Variants in PCDHA2 observed in about 807,000 individuals in gnomAD.
PCDHA2 encodes protocadherin alpha-2.
PCDHA2 carries 58 observed loss-of-function variants against 66.0 expected under a neutral mutation model. That is an observed-to-expected ratio of 0.88 (90% CI 0.71 to 1.09). The LOEUF (loss-of-function observed/expected upper bound fraction) is 1.09, where lower values mean the gene tolerates loss of function less well. Ranked by LOEUF, PCDHA2 falls within the 50% of genes least tolerant of loss-of-function variation. The probability of loss-of-function intolerance (pLI) is 0.00; values close to 1 mark genes in which losing one functional copy is unlikely to be tolerated. For synonymous variants in PCDHA2, 634 were observed against 554.0 expected, an observed-to-expected ratio of 1.14 and a Z score of -2.03; for missense variants, 1,267 against 1,242.3, an observed-to-expected ratio of 1.02 and a Z score of -0.30.
intron 1 of PCDHA2, among the ~76,000 whole-genome samples, chr5:140,970,923 C>T (rs1009753173): frequency 1.3e-5 from 2 of 152,032 alleles, no homozygotes; most frequent in African/African-American, 4.8e-5. Flanking sequence ...ATCAGAAGTG[C>T]CTGGTGTTAG....
intron 1 of PCDHA2, among the ~76,000 whole-genome samples, chr5:140,899,610 A>G (rs2067438350): frequency 6.6e-6 from 1 of 152,164 alleles, no homozygotes; most frequent in Admixed American, 6.5e-5. Flanking sequence ...TTTTGCATCA[A>G]TGTTCATCAA....
chr5:140,802,640 C>G lies in PCDHA2; in HGVS notation c.2388+5288C>G. 6.2e-7 allele frequency: 1 copy of G among 1,613,752 alleles called. No individual in the cohort carries two copies. The highest frequency in any genetic ancestry group is 1.7e-5 in the Admixed American group (1 of 60,024). On this transcript the variant is annotated intron_variant, in intron 1 of 3. Transcript: ENST00000526136. ...ACATCTTCACGGTGTCTGCGCGGGA[C>G]GCGGACGCGCAGGAGAACGCCCTGG... is the stretch of plus-strand genomic sequence containing the variant.
intron 1 of PCDHA2, among the ~76,000 whole-genome samples, chr5:140,962,075 C>T (rs999623991): frequency 6.6e-6 from 1 of 151,836 alleles, no homozygotes; most frequent in South Asian, 2.1e-4. Context: ...TTAGTAGAGA[C>T]GGGGTTTCAC....
intron 3 of PCDHA2, among the ~76,000 whole-genome samples, chr5:141,002,107 C>T (rs991036721): frequency 6.6e-6 from 1 of 152,246 alleles, no homozygotes. Context: ...GGGCCGGAAA[C>T]GGCTATAATC....
At chr5:140,907,582 G>C (rs978225789) in intron 1 of PCDHA2, among the ~76,000 whole-genome samples, 8 of 152,190 alleles carry the variant, frequency 5.3e-5, no homozygotes, top group African/African-American at 1.9e-4. Context: ...CAGGTAGCTG[G>C]CTGATCACCC....
intron 1 of PCDHA2, among the ~76,000 whole-genome samples, chr5:140,832,719 AG>A (rs1433818410): frequency 2.0e-5 from 3 of 152,224 alleles, no homozygotes; most frequent in African/African-American, 7.2e-5. Flanking sequence ...AGATAAATAA[AG>A]GTAAGTATCC....
intron 1 of PCDHA2, chr5:140,881,430 T>G: frequency 1.1e-6 from 1 of 889,582 alleles, no homozygotes; most frequent in Non-Finnish European, 1.3e-6. Flanking sequence ...TCCAGGCATA[T>G]TTTATAAAAA....
chr5:140,797,200 G>A lies in PCDHA2; in HGVS notation c.2236G>A (p.Gly746Arg), dbSNP rs782337760. Residue 746 changes from glycine to arginine, a missense_variant, in exon 1 of 4, where the codon GGG (glycine) becomes AGG (arginine). Transcript: ENST00000526136. ...KPTLVCSSAVGSWSYSQQRRQ... is the reference protein window; with the variant it reads ...KPTLVCSSAVRSWSYSQQRRQ... ...CACGCTGGTGTGCTCCAGCGCCGTG[G>A]GGAGCTGGTCTTACTCGCAGCAGAG... is the stretch of plus-strand genomic sequence containing the variant. 6.2e-7 allele frequency: 1 copy of A among 1,614,176 alleles called. No homozygotes were observed. Among genetic ancestry groups the A allele is most frequent in the Non-Finnish European group, 8.5e-7 (1 of 1,180,042 alleles).
intron 1 of PCDHA2, among the ~76,000 whole-genome samples, chr5:140,976,889 T>A (rs2096736169): frequency 6.6e-6 from 1 of 152,218 alleles, no homozygotes; most frequent in Admixed American, 6.5e-5. Context: ...TTAGGATACA[T>A]GCAACAGTAT....
intron 1 of PCDHA2, chr5:140,882,004 C>CA (rs1296948506): frequency 1.0e-5 from 5 of 496,760 alleles, no homozygotes; most frequent in Non-Finnish European, 1.7e-5. Flanking sequence ...ATGCAAGGGG[C>CA]AAAAAAATAC....
chr5:140,856,315 T>A (rs782568790), intron 1 of PCDHA2: 4 of 1,598,576 alleles, frequency 2.5e-6, no homozygotes, highest in Non-Finnish European at 3.4e-6. Context: ...ATTCTCGGAT[T>A]GACCGCGAGG....
chr5:140,969,254 A>G (rs781854163), intron 1 of PCDHA2: 2 of 1,614,242 alleles, frequency 1.2e-6, no homozygotes, highest in Non-Finnish European at 1.7e-6. Context: ...GACTGACAGC[A>G]GGAATCTCAC....
In PCDHA2 at chr5:140,849,224, C is replaced by G; in HGVS notation, c.2388+51872C>G. The G allele has an allele frequency of 1.9e-6, 2 of 1,040,424 alleles. 1 individual carries two copies. The allele number at this position is 1,040,424 out of a possible 1,614,324, so 64.4% of individuals were successfully genotyped here. A position where few individuals can be genotyped will look rare whatever the true frequency, so the allele number is the denominator to read the frequency against. On this transcript the variant is annotated intron_variant, in intron 1 of 3. Coordinates refer to ENST00000526136, the MANE Select transcript of PCDHA2 (RefSeq NM_018905.3). ...ACAATGACAATGCCCCAGTGTTCGACAGAACCCTGTATACGGTGAAATTAC... is the reference window on the plus strand; with the variant it reads ...ACAATGACAATGCCCCAGTGTTCGAGAGAACCCTGTATACGGTGAAATTAC...
chr5:140,941,527 G>A (rs1324655767), intron 1 of PCDHA2, among the ~76,000 whole-genome samples: 1 of 151,580 alleles, frequency 6.6e-6, no homozygotes, highest in African/African-American at 2.4e-5. Flanking sequence ...ATCTTGACCA[G>A]GCTGGTCTTG....
intron 1 of PCDHA2, among the ~76,000 whole-genome samples, chr5:140,902,299 A>G (rs2069363932): frequency 6.6e-6 from 1 of 150,916 alleles, no homozygotes; most frequent in Admixed American, 6.6e-5. Flanking sequence ...CAGCCTCCCA[A>G]AGTGCTGGGA....
At position 140,876,499 on chromosome 5, in the gene PCDHA2, G is replaced by A. The variant is rs781995151; in HGVS notation, c.2388+79147G>A. ...CATGGTCCTGGTGGAAGTTCTGGAC[G>A]TGAATGACAATGTCCCTGAAGTAAT... On this transcript the variant is annotated intron_variant, in intron 1 of 3. Transcript: ENST00000526136. 5.0e-6 allele frequency: 8 copies of A among 1,613,910 alleles called. No homozygotes were observed. The Admixed American group carries it at 1.0e-4, about 20-fold the overall frequency.
chr5:141,003,981 C>T (rs1485203944), intron 3 of PCDHA2, among the ~76,000 whole-genome samples: 9 of 152,072 alleles, frequency 5.9e-5, no homozygotes, highest in Admixed American at 2.6e-4. Flanking sequence ...GGGGACTTGC[C>T]GGAGATCCTA....
chr5:140,967,627 C>T (rs1218869340), intron 1 of PCDHA2: 5 of 1,614,158 alleles, frequency 3.1e-6, no homozygotes, highest in South Asian at 2.2e-5. Context: ...CGGATGAGGG[C>T]TCCAATGGTG....
chr5:140,970,019 A>G (rs1385793747), intron 1 of PCDHA2, among the ~76,000 whole-genome samples: 2 of 152,212 alleles, frequency 1.3e-5, no homozygotes, highest in Non-Finnish European at 2.9e-5. Context: ...ATGGTGAGGC[A>G]GAGAGATTAA....
Sources: allele counts gnomAD v4.1 joint callset (sites outside exome capture counted in the v4.1 genomes callset), GRCh38; gene constraint gnomAD v4.1.1; transcripts MANE v1.5; gene names NCBI Gene and HGNC (gene_info 2026-07-23, HGNC 2026-07-21).